CNTNAP3B: variants seen among roughly 807,000 people sequenced by gnomAD.
CNTNAP3B encodes contactin-associated protein-like 3B.
Under a neutral mutation model 108.9 loss-of-function variants are expected in CNTNAP3B, and 25 were observed. The ratio of observed to expected loss-of-function variants is 0.23; its 90% confidence interval spans 0.17 to 0.32. CNTNAP3B has a LOEUF of 0.32. Ranked by LOEUF, CNTNAP3B falls within the 10% of genes least tolerant of loss-of-function variation. The probability of loss-of-function intolerance (pLI) is 1.00; values close to 1 mark genes in which losing one functional copy is unlikely to be tolerated. For missense variants in CNTNAP3B, 252 were observed against 1,210.4 expected, an observed-to-expected ratio of 0.21 and a Z score of 11.75; for synonymous variants, 103 against 473.4, an observed-to-expected ratio of 0.22 and a Z score of 10.16.
chr9:42,051,967 A>G (rs1826973172), intron 3 of CNTNAP3B, among the ~76,000 whole-genome samples: 1 of 151,618 alleles, frequency 6.6e-6, no homozygotes, highest in South Asian at 2.1e-4. Context: ...TCTCTTGTAA[A>G]AAGAATGACA....
intron 9 of CNTNAP3B, among the ~76,000 whole-genome samples, chr9:41,972,977 A>G (rs1303830554): frequency 2.2e-5 from 2 of 91,918 alleles, no homozygotes; most frequent in Non-Finnish European, 4.1e-5. Context: ...TCATGCTGTC[A>G]CCCAGGCTGC....
At chr9:42,113,651 G>T (rs1274587734) in intron 1 of CNTNAP3B, among the ~76,000 whole-genome samples, 7 of 139,638 alleles carry the variant, frequency 5.0e-5, no homozygotes, top group Non-Finnish European at 7.7e-5. Context: ...TGATAAAGAT[G>T]AACTGTTAAT....
intron 1 of CNTNAP3B, among the ~76,000 whole-genome samples, chr9:42,109,402 C>T (rs1425831867): frequency 1.4e-5 from 2 of 145,768 alleles, no homozygotes; most frequent in Non-Finnish European, 3.0e-5. Context: ...CATGCATTTT[C>T]AAACAGCAAT....
intron 10 of CNTNAP3B, among the ~76,000 whole-genome samples, chr9:41,969,711 G>A (rs1213089376): frequency 3.3e-5 from 5 of 150,374 alleles, no homozygotes; most frequent in Admixed American, 1.3e-4. Flanking sequence ...TCCACCTCCC[G>A]GGTTCATGCC....
At chr9:41,919,845 C>A (rs1251861781) in intron 18 of CNTNAP3B, among the ~76,000 whole-genome samples, 1 of 152,298 alleles carries the variant, frequency 6.6e-6, no homozygotes, top group East Asian at 1.9e-4. Flanking sequence ...GCTGGGGTAA[C>A]CCAGAGATCT....
chr9:42,071,236 G>A lies in CNTNAP3B; in HGVS notation c.390+5633C>T, dbSNP rs144413019. ...AGGGCAGTGGGAGCTGTGTACGTGC[G>A]TGTCTGCGTGTGTGTGTTCTATGCA... On this transcript the variant is annotated intron_variant, in intron 3 of 23. Transcript: ENST00000377561. 8.4e-3 allele frequency among the ~76,000 whole-genome samples: 1,231 copies of A among 145,756 alleles called. 19 individuals are homozygous for A. Among genetic ancestry groups the A allele is most frequent in the Non-Finnish European group, 0.013 (860 of 66,352 alleles).
chr9:42,075,836 C>CTTTA lies in CNTNAP3B; in HGVS notation c.390+1032_390+1033insTAAA, dbSNP rs1554754772. Among the ~76,000 whole-genome samples, 495 of 63,740 alleles carry CTTTA rather than the reference C, an allele frequency of 7.8e-3. 3 individuals carry two copies. Among genetic ancestry groups the CTTTA allele is most frequent in the South Asian group, 0.044 (87 of 1,980 alleles). 41.8% of individuals were successfully genotyped at this position (63,740 alleles called of 152,430 possible). Reference sequence around the variant, plus strand: ...ACTTTCAAACACTATGTAATAAATACTTATTATTATTATTATTATTATTAT... The same window carrying CTTTA: ...ACTTTCAAACACTATGTAATAAATACTTTATTATTATTATTATTATTATTATTAT... On this transcript the variant is annotated intron_variant, in intron 3 of 23. Transcript: ENST00000377561.
chr9:41,939,689 G>A (rs1332532168), intron 13 of CNTNAP3B, among the ~76,000 whole-genome samples: 1 of 152,276 alleles, frequency 6.6e-6, no homozygotes, highest in Non-Finnish European at 1.5e-5. Context: ...GCAGATTAAA[G>A]AGCAAAACAC....
chr9:42,119,637 GA>G (rs1353370238), intron 1 of CNTNAP3B, among the ~76,000 whole-genome samples: 1 of 132,616 alleles, frequency 7.5e-6, no homozygotes, highest in Admixed American at 7.5e-5. Context: ...CAGAGATATA[GA>G]AAAACAGAAC....
At chr9:41,934,387 A>T (rs1429568698) in intron 14 of CNTNAP3B, among the ~76,000 whole-genome samples, 6 of 152,130 alleles carry the variant, frequency 3.9e-5, no homozygotes, top group Non-Finnish European at 7.3e-5. Flanking sequence ...CCTGGCTAAT[A>T]TTTTTTGTAT....
intron 18 of CNTNAP3B, among the ~76,000 whole-genome samples, chr9:41,916,067 T>G (rs183724497): frequency 6.6e-6 from 1 of 151,006 alleles, no homozygotes; most frequent in Admixed American, 6.6e-5. Context: ...TAATTTGTTC[T>G]CTTTTTAAAA....
intron 1 of CNTNAP3B, among the ~76,000 whole-genome samples, chr9:42,123,003 TA>T (rs1314876280): frequency 8.5e-6 from 1 of 117,168 alleles, no homozygotes; most frequent in African/African-American, 3.6e-5. Flanking sequence ...GGTAAGCATG[TA>T]GCTGTATGTG....
Position 42,128,137 on chromosome 9 carries a change from G to A in CNTNAP3B, c.85+873C>T, listed in dbSNP as rs1344020853. 2.9e-5 allele frequency among the ~76,000 whole-genome samples: 4 copies of A among 138,364 alleles called. 2 individuals are homozygous for A. Among genetic ancestry groups the A allele is most frequent in the African/African-American group, 1.2e-4 (4 of 34,670 alleles). 90.8% of individuals were successfully genotyped at this position (138,364 alleles called of 152,430 possible). A position where few individuals can be genotyped will look rare whatever the true frequency, so the allele number is the denominator to read the frequency against. On this transcript the variant is annotated intron_variant, in intron 1 of 23. Coordinates refer to ENST00000377561, the MANE Select transcript of CNTNAP3B (RefSeq NM_001201380.3). The stretch of plus-strand genomic sequence containing the variant: ...AAGAAAGAAAGACGACTCTCTGATA[G>A]AGATTTACTCCAAGCCGAAAAAAAA...
chr9:41,916,176 T>C (rs1192787713), intron 18 of CNTNAP3B, among the ~76,000 whole-genome samples: 3 of 147,638 alleles, frequency 2.0e-5, no homozygotes, highest in Non-Finnish European at 4.5e-5. Context: ...TTCCTCTGAC[T>C]CATGTTACCA....
intron 15 of CNTNAP3B, among the ~76,000 whole-genome samples, chr9:41,927,506 A>G (rs1216248086): frequency 6.6e-6 from 1 of 151,878 alleles, no homozygotes; most frequent in East Asian, 1.9e-4. Flanking sequence ...TAAAAGCCAG[A>G]CTGAATGGGA....
chr9:41,948,162 G>T (rs1241730348), intron 13 of CNTNAP3B, among the ~76,000 whole-genome samples: 2 of 149,032 alleles, frequency 1.3e-5, no homozygotes, highest in African/African-American at 5.0e-5. Flanking sequence ...TGTGATCTTG[G>T]CTCACTGCAA....
In CNTNAP3B at chr9:42,029,595, GTC is replaced by G. The variant is rs1826475940; in HGVS notation, c.391-16072_391-16071del. On this transcript the variant is annotated intron_variant, in intron 3 of 23. Transcript: ENST00000377561. ...GCCCAGGCTGGAGTGCAGTGGTGCA[GTC>G]TCGGCTCACCACAACCTCTGCCTCC... Among the ~76,000 whole-genome samples the G allele has an allele frequency of 1.7e-5, 2 of 120,870 alleles. 1 individual carries two copies. The highest frequency in any genetic ancestry group is 3.4e-5 in the Non-Finnish European group (2 of 59,070). The allele number at this position is 120,870 out of a possible 152,430, so 79.3% of individuals were successfully genotyped here. A position where few individuals can be genotyped will look rare whatever the true frequency, so the allele number is the denominator to read the frequency against.
At chr9:42,014,637 A>AC (rs1406217363) in intron 3 of CNTNAP3B, among the ~76,000 whole-genome samples, 1 of 94,876 alleles carries the variant, frequency 1.1e-5, no homozygotes, top group Non-Finnish European at 2.1e-5. Flanking sequence ...AAAAATACAA[A>AC]AAAATTAGCC....
At chr9:42,124,468 A>G (rs1828524992) in intron 1 of CNTNAP3B, among the ~76,000 whole-genome samples, 1 of 137,346 alleles carries the variant, frequency 7.3e-6, no homozygotes, top group South Asian at 2.4e-4. Flanking sequence ...TACATTTAAA[A>G]CAAACAATTC....
Sources: gnomAD v4.1 joint callset for allele counts (sites outside exome capture counted in the v4.1 genomes callset) on GRCh38, gnomAD v4.1.1 for gene constraint, MANE v1.5 for transcripts, NCBI Gene and HGNC (gene_info 2026-07-23, HGNC 2026-07-21) for gene names.